Variants in UMODL1 observed in about 807,000 individuals in gnomAD.
UMODL1 encodes uromodulin-like 1.
In UMODL1, 128 loss-of-function variants were observed where a neutral mutation model predicts 136.3. The observed-to-expected ratio is 0.94, with a 90% CI of 0.81 to 1.09. The LOEUF (loss-of-function observed/expected upper bound fraction) is 1.09. Among genes scored for constraint, UMODL1 ranks in the 50% least tolerant of loss-of-function variants. UMODL1 has a pLI of 0.00. For synonymous variants in UMODL1, 721 were observed against 720.0 expected, an observed-to-expected ratio of 1.00 and a Z score of -0.02; for missense variants, 1,766 against 1,725.6, an observed-to-expected ratio of 1.02 and a Z score of -0.41.
At chr21:42,077,586 G>T (rs552008461) in intron 2 of UMODL1, among the ~76,000 whole-genome samples, 2 of 152,256 alleles carry the variant, frequency 1.3e-5, no homozygotes, top group African/African-American at 2.4e-5. Context: ...GGCTTTGGGC[G>T]TTATCAATCA....
intron 22 of UMODL1, among the ~76,000 whole-genome samples, chr21:42,139,865 G>A (rs2067255856): frequency 6.6e-6 from 1 of 152,206 alleles, no homozygotes; most frequent in Non-Finnish European, 1.5e-5. Context: ...GTCCTGGCAG[G>A]AGAGACGGGA....
At chr21:42,075,940 G>T in intron 1 of UMODL1, 65 bp from the exon 2 acceptor site, 1 of 1,591,010 alleles carries the variant, frequency 6.3e-7, no homozygotes, top group Non-Finnish European at 8.6e-7. Flanking sequence ...GACGCCTTGC[G>T]GATAACCGCT....
chr21:42,089,329 GTGAT>G (rs889063838), intron 5 of UMODL1, among the ~76,000 whole-genome samples: 18 of 152,154 alleles, frequency 1.2e-4, no homozygotes, highest in African/African-American at 4.3e-4. Flanking sequence ...GAAAGCTCTA[GTGAT>G]TGCATTGATC....
intron 12 of UMODL1, chr21:42,113,117 A>G (rs1349215683): frequency 6.3e-6 from 1 of 158,632 alleles, no homozygotes. Context: ...CTCTTAGCCC[A>G]TGTAAGTCAG....
At chr21:42,130,003 G>A (rs2067112788) in intron 21 of UMODL1, among the ~76,000 whole-genome samples, 1 of 152,232 alleles carries the variant, frequency 6.6e-6, no homozygotes, top group African/African-American at 2.4e-5. Flanking sequence ...CATGCAGAAT[G>A]TAATATGCTC....
In UMODL1 at chr21:42,129,567, C is replaced by T. The variant is rs145384656; in HGVS notation, c.3691-146C>T. The T allele has an allele frequency of 8.5e-4, 539 of 637,308 alleles. 2 individuals carry two copies. In the African/African-American group the frequency reaches 9.2e-3, roughly 11 times the overall value. 39.5% of individuals were successfully genotyped at this position (637,308 alleles called of 1,614,324 possible). On this transcript the variant is annotated intron_variant, in intron 20 of 22. Coordinates refer to ENST00000408910, the MANE Select transcript of UMODL1 (RefSeq NM_001004416.3). ...CCCTGGTCTCACCAGGTCTCCCACTCCTCTGTCTAAACTCAGCCCCCTTGC... is the reference window on the plus strand; with the variant it reads ...CCCTGGTCTCACCAGGTCTCCCACTTCTCTGTCTAAACTCAGCCCCCTTGC...
In UMODL1 at chr21:42,099,192, A is replaced by G; in HGVS notation, c.1186+12A>G. ...GACCATCAAAACCAGTAAGGCCCCC[A>G]GTCAGAGACCCACGTTAGCTTGCGA... is the stretch of plus-strand genomic sequence containing the variant. On this transcript the variant is annotated intron_variant, in intron 7 of 22. Transcript: ENST00000408910. The surrounding 1 kb of genome is among the most constrained non-coding windows in gnomAD (Gnocchi z 4.1). 1.9e-6 allele frequency: 3 copies of G among 1,608,340 alleles called. No individual in the cohort carries two copies. Among genetic ancestry groups the G allele is most frequent in the Non-Finnish European group, 2.5e-6 (3 of 1,176,806 alleles).
Position 42,113,643 on chromosome 21 carries a change from G to A in UMODL1, c.2175G>A (p.Ala725=), listed in dbSNP as rs569967680. The change falls in exon 13 of 23, where the codon GCG becomes GCA. Residue 725 remains alanine, a synonymous_variant. Transcript: ENST00000408910. ...TSTGFHLAWE[A]DLAMDSTFQL... ...CCGGCTTCCACCTGGCATGGGAGGC[G>A]GATCTTGCTATGGACTCCACCTTCC... 1.2e-4 allele frequency: 199 copies of A among 1,614,052 alleles called. No individual in the cohort carries two copies. The highest frequency in any genetic ancestry group is 1.0e-3 in the South Asian group (95 of 91,084).
chr21:42,123,057 C>A lies in UMODL1; in HGVS notation c.3054C>A (p.Tyr1018Ter). Residue 1018 changes from tyrosine to a stop codon, truncating the protein, a stop_gained, in exon 17 of 23, where the codon TAC becomes TAA. Transcript: ENST00000408910. LOFTEE classifies it high-confidence loss of function. The surrounding 1 kb of genome is among the most constrained non-coding windows in gnomAD (Gnocchi z 4.4). Reference protein sequence around the residue: ...QQESIPESSLYLSHPSCNVSH... With the variant: ...QQESIPESSL Reference sequence around the variant, plus strand: ...AATCCATCCCCGAGTCCTCGTTGTACCTCAGCCACCCCTCCTGCAACGTGA... The same window carrying A: ...AATCCATCCCCGAGTCCTCGTTGTAACTCAGCCACCCCTCCTGCAACGTGA... 1 of 1,614,152 alleles carries A rather than the reference C, an allele frequency of 6.2e-7. No individual in the cohort carries two copies. The highest frequency in any genetic ancestry group is 8.5e-7 in the Non-Finnish European group (1 of 1,180,040).
intron 14 of UMODL1, among the ~76,000 whole-genome samples, chr21:42,116,828 C>T (rs1159232356): frequency 1.3e-5 from 2 of 152,184 alleles, no homozygotes; most frequent in Non-Finnish European, 2.9e-5. Context: ...ATAATCCTAG[C>T]ACTTTGGGAG....
upstream of UMODL1, among the ~76,000 whole-genome samples, chr21:42,069,229 A>ACACACACACACACACAC (rs2066208132): frequency 7.3e-6 from 1 of 136,304 alleles, no homozygotes. Context: ...CACAGACAGA[A>ACACACACACACACACAC]ACACACACAC....
chr21:42,135,517 G>T (rs1413999546), intron 21 of UMODL1, among the ~76,000 whole-genome samples: 2 of 152,168 alleles, frequency 1.3e-5, no homozygotes, highest in African/African-American at 2.4e-5. Flanking sequence ...GCTGCAAAGG[G>T]CCAGCAGGAG....
At chr21:42,095,041 C>T (rs1035740932) in intron 6 of UMODL1, among the ~76,000 whole-genome samples, 5 of 146,898 alleles carry the variant, frequency 3.4e-5, no homozygotes, top group Admixed American at 2.1e-4. Context: ...TGGTGGCTGC[C>T]GGCATTCCTT....
chr21:42,071,378 C>T lies in UMODL1; in HGVS notation c.62C>T (p.Ala21Val). Residue 21 changes from alanine to valine, a missense_variant, in exon 1 of 23, where the codon GCC becomes GTC. Coordinates refer to ENST00000408910, the MANE Select transcript of UMODL1 (RefSeq NM_001004416.3). ...GTCAGTGCTGTGGGCCCAAGCCAGG[C>T]CAGCGGCTTCACAGGTGAGGGGTCT... Reference protein sequence around the residue: ...ALVSAVGPSQASGFTEKGLSL... With the variant: ...ALVSAVGPSQVSGFTEKGLSL... The T allele has an allele frequency of 6.3e-7, 1 of 1,592,872 alleles. No individual in the cohort carries two copies. Among genetic ancestry groups the T allele is most frequent in the Non-Finnish European group, 8.5e-7 (1 of 1,170,198 alleles).
intron 12 of UMODL1, among the ~76,000 whole-genome samples, chr21:42,112,197 T>G (rs767158490): frequency 5.3e-5 from 8 of 151,630 alleles, no homozygotes; most frequent in Non-Finnish European, 1.2e-4. Flanking sequence ...CCAAGCATTC[T>G]GCAGCCCTGC....
intron 6 of UMODL1, chr21:42,093,648 C>T (rs1054309861): frequency 3.5e-6 from 1 of 285,340 alleles, no homozygotes; most frequent in Admixed American, 4.5e-5. Flanking sequence ...GGAACGTTCC[C>T]CTCCTATCAG....
intron 2 of UMODL1, among the ~76,000 whole-genome samples, chr21:42,077,603 T>G (rs1028301656): frequency 7.2e-5 from 11 of 152,364 alleles, no homozygotes; most frequent in African/African-American, 2.4e-4. Flanking sequence ...ATCAGACGAA[T>G]TCCTGGGAAC....
rs756300165 is a variant in UMODL1, at chr21:42,090,371, G to A, written c.864G>A (p.Ser288=). 11 of 1,614,044 alleles carry A rather than the reference G, an allele frequency of 6.8e-6. No homozygotes were observed. The highest frequency in any genetic ancestry group is 3.3e-4 in the Middle Eastern group (2 of 6,062). Residue 288 remains serine (S), a synonymous_variant, in exon 6 of 23, where the codon TCG becomes TCA. Transcript: ENST00000408910. ...AACTGTGCGCAAACCTGGAGGGCTC[G>A]TACTGGTGCGTCTGTCACCAGGAAG... The part of the protein sequence containing the change: ...GRELCANLEG[S]YWCVCHQEAP...
chr21:42,064,133 G>A (rs1057495018), intron 1 of UMODL1, among the ~76,000 whole-genome samples: 6 of 152,290 alleles, frequency 3.9e-5, no homozygotes, highest in Non-Finnish European at 5.9e-5. Flanking sequence ...GATCCCTGGC[G>A]TTCTCCGTTG....
Sources: allele counts gnomAD v4.1 joint callset (sites outside exome capture counted in the v4.1 genomes callset), GRCh38; gene constraint gnomAD v4.1.1; non-coding constraint Gnocchi (gnomAD v3.1); transcripts MANE v1.5; gene names NCBI Gene and HGNC (gene_info 2026-07-23, HGNC 2026-07-21).